PRR5L: variants seen among roughly 807,000 people sequenced by gnomAD.
The protein encoded by PRR5L is proline-rich protein 5-like.
In PRR5L, 21 loss-of-function variants were observed where a neutral mutation model predicts 36.4. The observed-to-expected ratio is 0.58, with a 90% CI of 0.41 to 0.83. The LOEUF is 0.83. Among genes scored for constraint, PRR5L ranks in the 40% least tolerant of loss-of-function variants. The probability of loss-of-function intolerance (pLI) is 0.00; values close to 1 mark genes in which losing one functional copy is unlikely to be tolerated. For missense variants in PRR5L, 381 were observed against 473.3 expected, an observed-to-expected ratio of 0.80 and a Z score of 1.81; for synonymous variants, 188 against 197.0, an observed-to-expected ratio of 0.95 and a Z score of 0.38.
chr11:36,368,602 T>C (rs1193167861), intron 1 of PRR5L, among the ~76,000 whole-genome samples: 1 of 152,200 alleles, frequency 6.6e-6, no homozygotes, highest in African/African-American at 2.4e-5. Context: ...ACTCTCATTC[T>C]CTCACAAGTC....
intron 1 of PRR5L, chr11:36,300,957 A>G (rs1351563984): frequency 1.3e-5 from 2 of 152,306 alleles, no homozygotes; most frequent in Admixed American, 1.3e-4. Context: ...CAATTATTTA[A>G]CAAACATTTA....
chr11:36,414,399 T>C (rs1858097366), intron 3 of PRR5L, among the ~76,000 whole-genome samples: 1 of 148,900 alleles, frequency 6.7e-6, no homozygotes, highest in South Asian at 2.2e-4. Flanking sequence ...TTTTAATGAT[T>C]GCCATTCTAA....
At chr11:36,400,307 A>C (rs978282541) in intron 1 of PRR5L, among the ~76,000 whole-genome samples, 2 of 152,218 alleles carry the variant, frequency 1.3e-5, no homozygotes, top group African/African-American at 2.4e-5. Context: ...TATGCATAGT[A>C]GCTGCTCAAT....
In PRR5L at chr11:36,300,174, A is replaced by C. The variant is rs186838265; in HGVS notation, c.-126+3736A>C. On this transcript the variant is annotated intron_variant, in intron 1 of 8. Transcript: ENST00000530639. ...TGTAAAGGAATACCTGAGACTGGGT[A>C]ATTTTTAAAGAAAAGAGGTTTATTT... Among the ~76,000 whole-genome samples the C allele has an allele frequency of 3.4e-3, 516 of 152,300 alleles. 4 individuals are homozygous for C. Among genetic ancestry groups the C allele is most frequent in the African/African-American group, 0.012 (500 of 41,568 alleles).
chr11:36,380,910 G>A (rs556297844), intron 1 of PRR5L, among the ~76,000 whole-genome samples: 1 of 152,298 alleles, frequency 6.6e-6, no homozygotes, highest in Admixed American at 6.5e-5. Context: ...CAGCTAGAAG[G>A]GTTTGTGGAG....
chr11:36,374,102 CT>C (rs1857227426), intron 1 of PRR5L, among the ~76,000 whole-genome samples: 1 of 78,762 alleles, frequency 1.3e-5, no homozygotes, highest in African/African-American at 6.0e-5. Context: ...TCCTTCCTTC[CT>C]TCCTCTCTCT....
At chr11:36,357,046 G>A (rs1451482370) in intron 1 of PRR5L, among the ~76,000 whole-genome samples, 1 of 152,126 alleles carries the variant, frequency 6.6e-6, no homozygotes, top group Non-Finnish European at 1.5e-5. Context: ...AATTAAAAGT[G>A]CTACTCCAGT....
At chr11:36,312,619 T>C (rs1856515049) in intron 1 of PRR5L, among the ~76,000 whole-genome samples, 1 of 152,258 alleles carries the variant, frequency 6.6e-6, no homozygotes, top group Admixed American at 6.5e-5. Context: ...AAGTCCTGGC[T>C]CTGCCACTTA....
intron 7 of PRR5L, among the ~76,000 whole-genome samples, chr11:36,448,171 G>A (rs529884584): frequency 1.3e-5 from 2 of 152,228 alleles, no homozygotes; most frequent in Non-Finnish European, 2.9e-5. Context: ...CCTGTGCCAG[G>A]TAGCCCTGCA....
intron 3 of PRR5L, among the ~76,000 whole-genome samples, chr11:36,411,909 G>T (rs907372211): frequency 6.6e-6 from 1 of 152,192 alleles, no homozygotes; most frequent in African/African-American, 2.4e-5. Flanking sequence ...GTGGGCTGGA[G>T]TTTTCAAGAC....
intron 1 of PRR5L, among the ~76,000 whole-genome samples, chr11:36,327,151 C>T (rs1856672729): frequency 6.6e-6 from 1 of 152,200 alleles, no homozygotes; most frequent in African/African-American, 2.4e-5. Context: ...TTCTTACATT[C>T]AGTAATTGAG....
At chr11:36,331,917 C>T (rs977134398) in intron 1 of PRR5L, among the ~76,000 whole-genome samples, 2 of 152,124 alleles carry the variant, frequency 1.3e-5, no homozygotes, top group African/African-American at 4.8e-5. Context: ...AATGAAGTTC[C>T]AAACCATAAG....
chr11:36,330,780 CG>C (rs144429784), intron 1 of PRR5L, among the ~76,000 whole-genome samples: 3,341 of 152,186 alleles, frequency 0.022, 120 homozygotes, highest in African/African-American at 0.075. Flanking sequence ...GGACATATTA[CG>C]GACAGCAAGG....
intron 1 of PRR5L, among the ~76,000 whole-genome samples, chr11:36,368,318 A>G (rs1190424920): frequency 6.6e-6 from 1 of 152,066 alleles, no homozygotes; most frequent in Admixed American, 6.6e-5. Context: ...TAATGGCTTG[A>G]TGGGGATTTT....
At chr11:36,456,237 C>T (rs554672328) in intron 8 of PRR5L, among the ~76,000 whole-genome samples, 3 of 152,308 alleles carry the variant, frequency 2.0e-5, no homozygotes, top group Non-Finnish European at 2.9e-5. Flanking sequence ...GGTGGCCTGG[C>T]GTCCGTGGAA....
chr11:36,429,059 T>A (rs902129056), intron 4 of PRR5L, among the ~76,000 whole-genome samples: 6 of 152,012 alleles, frequency 3.9e-5, no homozygotes, highest in African/African-American at 1.5e-4. Context: ...ATAAAAAAGA[T>A]TTTTTTTCCT....
At position 36,462,348 on chromosome 11, in the gene PRR5L, G is replaced by C; in HGVS notation, c.719G>C (p.Arg240Pro). 2 of 1,485,624 alleles carry C rather than the reference G, an allele frequency of 1.3e-6. No individual in the cohort carries two copies. The highest frequency in any genetic ancestry group is 1.8e-6 in the Non-Finnish European group (2 of 1,117,506). The allele number at this position is 1,485,624 out of a possible 1,614,324, so 92.0% of individuals were successfully genotyped here. The change falls in exon 9 of 9, where the codon CGG (arginine) becomes CCG (proline). Residue 240 changes from arginine (R) to proline (P), a missense_variant. By Grantham distance (103) the Arg-to-Pro change is moderately radical (BLOSUM62 -2). Coordinates refer to ENST00000530639, the MANE Select transcript of PRR5L (RefSeq NM_001160167.2). Reference sequence around the variant, plus strand: ...GCTGATTTTTCTCTTGCAGCCAGGCGGCACTCCAGGGTCCGGCCCAAGGTG... The same window carrying C: ...GCTGATTTTTCTCTTGCAGCCAGGCCGCACTCCAGGGTCCGGCCCAAGGTG... Reference protein sequence around the residue: ...FSGPTYTLARRHSRVRPKVTV... With the variant: ...FSGPTYTLARPHSRVRPKVTV...
chr11:36,386,578 G>A (rs569228480), intron 1 of PRR5L: 2 of 152,386 alleles, frequency 1.3e-5, no homozygotes, highest in South Asian at 4.1e-4. Flanking sequence ...TATGGGTGAT[G>A]TTTATGCAGG....
intron 7 of PRR5L, 138 bp downstream of exon 7, chr11:36,446,578 T>A (rs768974451): frequency 2.0e-6 from 2 of 1,018,034 alleles, no homozygotes; most frequent in Non-Finnish European, 1.4e-6. Context: ...TGTTGGCCCG[T>A]GTTCATTCAT....
Sources: allele counts gnomAD v4.1 joint callset (sites outside exome capture counted in the v4.1 genomes callset), GRCh38; gene constraint gnomAD v4.1.1; transcripts MANE v1.5; gene names NCBI Gene and HGNC (gene_info 2026-07-23, HGNC 2026-07-21).